The following DYNC2H1 variants were observed in gnomAD, a reference collection of about 807,000 sequenced individuals.
DYNC2H1 encodes the protein dynein cytoplasmic 2 heavy chain 1, also known as cytoplasmic dynein 2 heavy chain 1.
DYNC2H1 carries 410 observed loss-of-function variants against 570.0 expected under a neutral mutation model. The observed-to-expected ratio is 0.72, with a 90% CI of 0.66 to 0.78. The LOEUF is 0.78. Among genes scored for constraint, DYNC2H1 ranks in the 30% least tolerant of loss-of-function variants. The pLI is 0.00. For synonymous variants in DYNC2H1, 1,688 were observed against 1,677.6 expected (o/e 1.01, Z -0.15); for missense variants, 4,865 against 5,046.4 (o/e 0.96, Z 1.09).
At chr11:103,459,080 C>A (rs1272021723) in intron 87 of DYNC2H1, among the ~76,000 whole-genome samples, 1 of 151,416 alleles carries the variant, frequency 6.6e-6, no homozygotes, top group Admixed American at 6.6e-5. Context: ...GAGGCCGAGG[C>A]GGGCGGATCA....
chr11:103,468,433 T>G (rs1258606019), intron 87 of DYNC2H1, 156 bp from the exon 88 acceptor site: 1 of 555,730 alleles, frequency 1.8e-6, no homozygotes, highest in Non-Finnish European at 3.2e-6. Context: ...AGTCCAGGCC[T>G]TACTGACTTT....
chr11:103,271,999 G>A (rs1004245452), intron 70 of DYNC2H1, among the ~76,000 whole-genome samples: 2 of 152,194 alleles, frequency 1.3e-5, no homozygotes, highest in African/African-American at 4.8e-5. Context: ...TTCAACCATT[G>A]TGGAAGTCAG....
chr11:103,421,909 GGTTT>G lies in DYNC2H1; in HGVS notation c.12367-14033_12367-14030del, dbSNP rs1431881474. ...AAAAAAATCAAAGAATCCAAGAACT[GGTTT>G]TTTTTTTTTATAACAAAATAGACCA... is the stretch of plus-strand genomic sequence containing the variant. On this transcript the variant is annotated intron_variant, in intron 84 of 88. Transcript: ENST00000375735. Among the ~76,000 whole-genome samples the G allele has an allele frequency of 3.1e-3, 464 of 148,070 alleles. 2 individuals are homozygous for G. The highest frequency in any genetic ancestry group is 0.014 in the Middle Eastern group (4 of 284).
In DYNC2H1 at chr11:103,369,944, A is replaced by G. The variant is rs922950142; in HGVS notation, c.12156+11585A>G. 6.6e-6 allele frequency among the ~76,000 whole-genome samples: 1 copy of G among 152,192 alleles called. No homozygotes were observed. The highest frequency in any genetic ancestry group is 1.5e-5 in the Non-Finnish European group (1 of 68,036). On this transcript the variant is annotated intron_variant, in intron 83 of 88. Transcript: ENST00000375735. The surrounding 1 kb of genome is among the most constrained non-coding windows in gnomAD (Gnocchi z 4.0). ...TTCCACTTGAGAAAAGCAGAGAGAAATGCAAAGGGGACATTGTCTTGCACA... is the reference window on the plus strand; with the variant it reads ...TTCCACTTGAGAAAAGCAGAGAGAAGTGCAAAGGGGACATTGTCTTGCACA...
chr11:103,372,689 T>C (rs531762565), intron 83 of DYNC2H1, among the ~76,000 whole-genome samples: 9 of 152,208 alleles, frequency 5.9e-5, no homozygotes, highest in African/African-American at 2.2e-4. Flanking sequence ...AGTTTGCTTT[T>C]TCTTTGCTGT....
intron 61 of DYNC2H1, among the ~76,000 whole-genome samples, chr11:103,234,603 G>A (rs756076707): frequency 6.6e-6 from 1 of 151,556 alleles, no homozygotes; most frequent in Non-Finnish European, 1.5e-5. Context: ...TTCCTTTCCT[G>A]ATCCTCCTCA....
intron 83 of DYNC2H1, among the ~76,000 whole-genome samples, chr11:103,366,962 TC>T (rs1733143369): frequency 6.6e-6 from 1 of 152,130 alleles, no homozygotes; most frequent in African/African-American, 2.4e-5. Context: ...GAGAAGCTTA[TC>T]CTAATAACGT....
intron 34 of DYNC2H1, among the ~76,000 whole-genome samples, chr11:103,172,840 A>G (rs545403119): frequency 4.6e-5 from 7 of 152,052 alleles, no homozygotes; most frequent in Admixed American, 2.0e-4. Context: ...CTGATTGTAA[A>G]TAAACTCTGC....
At chr11:103,429,601 A>T (rs1394276913) in intron 84 of DYNC2H1, among the ~76,000 whole-genome samples, 1 of 152,212 alleles carries the variant, frequency 6.6e-6, no homozygotes, top group South Asian at 2.1e-4. Context: ...TCTTAAGCAT[A>T]GATAGTAAGG....
intron 82 of DYNC2H1, among the ~76,000 whole-genome samples, chr11:103,353,030 A>C (rs1296693722): frequency 6.6e-6 from 1 of 152,192 alleles, no homozygotes; most frequent in Non-Finnish European, 1.5e-5. Flanking sequence ...CATCATCCTC[A>C]GCAAACTAAC....
chr11:103,173,521 T>C (rs1470404571), intron 35 of DYNC2H1, among the ~76,000 whole-genome samples: 1 of 152,108 alleles, frequency 6.6e-6, no homozygotes, highest in Non-Finnish European at 1.5e-5. Flanking sequence ...ATTAATTTGA[T>C]CAGTTTTTTT....
At position 103,264,278 on chromosome 11, in the gene DYNC2H1, A is replaced by G. The variant is rs758726662; in HGVS notation, c.10695+4301A>G. Among the ~76,000 whole-genome samples, 1 of 152,214 alleles carries G rather than the reference A, an allele frequency of 6.6e-6. No homozygotes were observed. The highest frequency in any genetic ancestry group is 1.5e-5 in the Non-Finnish European group (1 of 68,036). The stretch of plus-strand genomic sequence containing the variant: ...CACAGCCAAATTCTACCAGAGGTAC[A>G]AAGAGGAGTTGGTACCATTCCTTCT... On this transcript the variant is annotated intron_variant, in intron 70 of 88. Transcript: ENST00000375735. The surrounding 1 kb of genome is among the most constrained non-coding windows in gnomAD (Gnocchi z 4.8).
intron 44 of DYNC2H1, 28 bp downstream of exon 44, chr11:103,188,676 T>C (rs1565380160): frequency 1.4e-6 from 2 of 1,467,244 alleles, no homozygotes; most frequent in Non-Finnish European, 1.8e-6. Flanking sequence ...TCAGATTTTT[T>C]AATTTGGGAA....
At chr11:103,430,386 T>C (rs1386041329) in intron 84 of DYNC2H1, among the ~76,000 whole-genome samples, 6 of 152,140 alleles carry the variant, frequency 3.9e-5, no homozygotes, top group African/African-American at 1.4e-4. Context: ...TGCCTGTACA[T>C]ATAAGTGCTA....
At chr11:103,435,919 A>G (rs781778990) in intron 84 of DYNC2H1, 24 bp from the exon 85 acceptor site, 53 of 1,608,640 alleles carry the variant, frequency 3.3e-5, no homozygotes, top group Middle Eastern at 1.6e-4. Flanking sequence ...CACAAACTTA[A>G]TTTTGACCCT....
intron 84 of DYNC2H1, chr11:103,405,522 G>A (rs1799900372): frequency 1.3e-5 from 2 of 151,824 alleles, no homozygotes; most frequent in Non-Finnish European, 2.9e-5. Context: ...AAGAGGGGAG[G>A]AGAAGTCAGA....
chr11:103,384,018 C>T (rs1315644556), intron 83 of DYNC2H1, among the ~76,000 whole-genome samples: 1 of 152,116 alleles, frequency 6.6e-6, no homozygotes, highest in Non-Finnish European at 1.5e-5. Flanking sequence ...GGTCTTATGA[C>T]AGTAATCTTT....
intron 82 of DYNC2H1, among the ~76,000 whole-genome samples, chr11:103,354,118 G>A (rs528005580): frequency 6.8e-6 from 1 of 146,192 alleles, no homozygotes; most frequent in Non-Finnish European, 1.5e-5. Context: ...TGGAGGTTGC[G>A]ATGAGCTGAG....
At chr11:103,119,479 A>G (rs1034519168) in intron 6 of DYNC2H1, among the ~76,000 whole-genome samples, 15 of 152,088 alleles carry the variant, frequency 9.9e-5, no homozygotes, top group Non-Finnish European at 2.9e-5. Context: ...AGCTGGGACT[A>G]CAGGTGCACG....
Sources: gnomAD v4.1 joint callset for allele counts (sites outside exome capture counted in the v4.1 genomes callset) on GRCh38, gnomAD v4.1.1 for gene constraint, Gnocchi (gnomAD v3.1) non-coding constraint, MANE v1.5 for transcripts, NCBI Gene and HGNC (gene_info 2026-07-23, HGNC 2026-07-21) for gene names.